Variants in NTN1 observed in about 807,000 individuals in gnomAD.
NTN1 encodes the protein netrin-1.
In NTN1, 11 loss-of-function variants were observed where a neutral mutation model predicts 54.2. The ratio of observed to expected loss-of-function variants is 0.20; its 90% CI spans 0.13 to 0.34. The LOEUF is 0.34. Among genes scored for constraint, NTN1 ranks in the 10% least tolerant of loss-of-function variants. The pLI is 1.00. For missense variants in NTN1, 740 were observed against 893.1 expected (o/e 0.83, Z 2.18); for synonymous variants, 371 against 382.0 (o/e 0.97, Z 0.33).
At chr17:9,098,634 C>T (rs1158934001) in intron 2 of NTN1, among the ~76,000 whole-genome samples, 1 of 152,140 alleles carries the variant, frequency 6.6e-6, no homozygotes, top group African/African-American at 2.4e-5. Context: ...TGGGAGGATG[C>T]TGGGTGTTTC....
chr17:9,149,836 G>A (rs1401641737), intron 2 of NTN1, among the ~76,000 whole-genome samples: 1 of 152,180 alleles, frequency 6.6e-6, no homozygotes, highest in African/African-American at 2.4e-5. Context: ...GGGAGGCTGA[G>A]GAGGGTGGAT....
intron 2 of NTN1, among the ~76,000 whole-genome samples, chr17:9,058,620 G>A (rs1233300434): frequency 1.7e-5 from 2 of 115,562 alleles, no homozygotes; most frequent in East Asian, 5.0e-4. Flanking sequence ...TAAGATCCTT[G>A]GCCCATGGTA....
At chr17:9,121,426 G>A (rs1212229363) in intron 2 of NTN1, among the ~76,000 whole-genome samples, 1 of 151,932 alleles carries the variant, frequency 6.6e-6, no homozygotes, top group Non-Finnish European at 1.5e-5. Flanking sequence ...GTTCATCCGT[G>A]CCTGCCCAAT....
At chr17:9,225,413 C>G (rs550213413) in intron 6 of NTN1, among the ~76,000 whole-genome samples, 9 of 152,178 alleles carry the variant, frequency 5.9e-5, no homozygotes, top group Admixed American at 5.2e-4. Flanking sequence ...GGCAGGGCCT[C>G]GGGGAGTGTG....
chr17:9,029,599 G>T (rs563465189), intron 2 of NTN1, among the ~76,000 whole-genome samples: 1 of 152,236 alleles, frequency 6.6e-6, no homozygotes, highest in African/African-American at 2.4e-5. Context: ...TTTGACTTGC[G>T]TAGCACAACT....
At chr17:9,137,246 C>A (rs1383165712) in intron 2 of NTN1, among the ~76,000 whole-genome samples, 3 of 152,190 alleles carry the variant, frequency 2.0e-5, no homozygotes, top group African/African-American at 7.2e-5. Flanking sequence ...AGGCTGCAAA[C>A]TCCCGGGGAC....
chr17:9,013,221 T>C, the NTN1 span, among the ~76,000 whole-genome samples: 4 of 147,720 alleles, frequency 2.7e-5, no homozygotes, highest in African/African-American at 1.0e-4. Flanking sequence ...TTTTTCTTTT[T>C]TTTTTTTTTT....
At chr17:9,114,172 T>TATATAA (rs2092202916) in intron 2 of NTN1, among the ~76,000 whole-genome samples, 1 of 122,342 alleles carries the variant, frequency 8.2e-6, no homozygotes. Flanking sequence ...AAAAAATATA[T>TATATAA]ATATATATAT....
At position 9,182,950 on chromosome 17, in the gene NTN1, C is replaced by G; in HGVS notation, c.1392C>G (p.Ser464Arg). The G allele has an allele frequency of 6.2e-7, 1 of 1,613,974 alleles. No homozygotes were observed. Among genetic ancestry groups the G allele is most frequent in the Non-Finnish European group, 8.5e-7 (1 of 1,179,998 alleles). The change falls in exon 5 of 7, where the codon AGC becomes AGG. Residue 464 changes from serine (S) to arginine (R), a missense_variant. Transcript: ENST00000173229. ...IPVAPPTTAA[S>R]SVEEPEDCDS... The stretch of plus-strand genomic sequence containing the variant: ...TAGCGCCGCCGACGACTGCAGCCAG[C>G]AGCGTGGAGGAGCCTGAAGGTAAAC...
In NTN1 at chr17:9,108,323, G is replaced by A. The variant is rs565856372; in HGVS notation, c.1019-54490G>A. ...TCATGCAGCCAGCCACAGAACCATA[G>A]CTCTGGCACAATCCACCCCAGGAAG... On this transcript the variant is annotated intron_variant, in intron 2 of 6. Transcript: ENST00000173229. 6.6e-5 allele frequency among the ~76,000 whole-genome samples: 10 copies of A among 152,248 alleles called. No homozygotes were observed. In the South Asian group the frequency reaches 2.1e-3, roughly 32 times the overall value.
intron 2 of NTN1, among the ~76,000 whole-genome samples, chr17:9,099,746 C>G (rs987389906): frequency 1.3e-5 from 2 of 152,074 alleles, no homozygotes; most frequent in African/African-American, 4.8e-5. Context: ...ATGAGAATGT[C>G]TTGAACTCTT....
upstream of NTN1, among the ~76,000 whole-genome samples, chr17:9,017,742 C>T (rs190231073): frequency 3.9e-3 from 591 of 152,312 alleles, 4 homozygotes; most frequent in African/African-American, 0.013. Context: ...CTGCTTAGAG[C>T]CTGACATGCC....
chr17:9,036,279 G>C (rs747560975), intron 2 of NTN1, among the ~76,000 whole-genome samples: 21 of 152,086 alleles, frequency 1.4e-4, no homozygotes, highest in Non-Finnish European at 2.6e-4. Context: ...GTTAGTTAAG[G>C]TGCCTGAGGT....
intron 2 of NTN1, among the ~76,000 whole-genome samples, chr17:9,024,264 G>C (rs1339282483): frequency 6.6e-6 from 1 of 152,208 alleles, no homozygotes. Flanking sequence ...GGACGACTTT[G>C]CTGCTGCAGA....
At chr17:9,216,103 G>A (rs542666654) in intron 5 of NTN1, among the ~76,000 whole-genome samples, 77 of 152,224 alleles carry the variant, frequency 5.1e-4, no homozygotes, top group African/African-American at 1.7e-3. Context: ...CATCACGCCC[G>A]GCTATGGTCT....
intron 6 of NTN1, among the ~76,000 whole-genome samples, chr17:9,231,331 A>G (rs1017129852): frequency 6.6e-6 from 1 of 151,950 alleles, no homozygotes; most frequent in African/African-American, 2.4e-5. Context: ...AGTCTACAGG[A>G]GCTTTGGGGG....
the NTN1 span, among the ~76,000 whole-genome samples, chr17:9,004,709 A>AG: frequency 0.045 from 6,899 of 152,314 alleles, 195 homozygotes; most frequent in African/African-American, 0.083. Context: ...GTGAAGCTCC[A>AG]GACTCTGGAT....
chr17:9,022,997 C>T lies in NTN1; in HGVS notation c.624C>T (p.Thr208=), dbSNP rs1039755678. The T allele has an allele frequency of 2.5e-6, 4 of 1,609,150 alleles. No homozygotes were observed. The highest frequency in any genetic ancestry group is 2.5e-6 in the Non-Finnish European group (3 of 1,178,694). Residue 208 remains threonine, a synonymous_variant, in exon 2 of 7, where the codon ACC becomes ACT. Transcript: ENST00000173229. ...EQEAVCTDSH[T]DMRPLSGGLI... ...AGGCCGTGTGCACCGACTCGCACACCGACATGCGCCCGCTCTCGGGCGGCC... is the reference window on the plus strand; with the variant it reads ...AGGCCGTGTGCACCGACTCGCACACTGACATGCGCCCGCTCTCGGGCGGCC...
chr17:9,176,545 T>C (rs984336270), intron 3 of NTN1: 1 of 152,242 alleles, frequency 6.6e-6, no homozygotes, highest in East Asian at 1.9e-4. Flanking sequence ...TAGTATGGCA[T>C]TGCCATCTGT....
Sources: gnomAD v4.1 joint callset for allele counts (sites outside exome capture counted in the v4.1 genomes callset) on GRCh38, gnomAD v4.1.1 for gene constraint, MANE v1.5 for transcripts, NCBI Gene and HGNC (gene_info 2026-07-23, HGNC 2026-07-21) for gene names.